Variants in LRCH1 observed in about 807,000 individuals in gnomAD.
The protein encoded by LRCH1 is leucine rich repeats and calponin homology domain containing 1.
In LRCH1, 23 loss-of-function variants were observed where a neutral mutation model predicts 94.9. The ratio of observed to expected loss-of-function variants is 0.24; its 90% CI spans 0.17 to 0.34. LRCH1 has a LOEUF of 0.34. Among genes scored for constraint, LRCH1 ranks in the 10% least tolerant of loss-of-function variants. The probability of loss-of-function intolerance (pLI) is 1.00; values close to 1 mark genes in which losing one functional copy is unlikely to be tolerated. For synonymous variants in LRCH1, 364 were observed against 354.9 expected, an observed-to-expected ratio of 1.03 and a Z score of -0.29; for missense variants, 790 against 945.9, an observed-to-expected ratio of 0.84 and a Z score of 2.16.
At chr13:46,713,882 G>A (rs989817633) in intron 15 of LRCH1, among the ~76,000 whole-genome samples, 2 of 152,222 alleles carry the variant, frequency 1.3e-5, no homozygotes, top group Non-Finnish European at 2.9e-5. Context: ...TTGAGCTGCA[G>A]ACTGTCTCCT....
At chr13:46,623,781 A>G (rs926316180) in intron 1 of LRCH1, among the ~76,000 whole-genome samples, 1 of 147,554 alleles carries the variant, frequency 6.8e-6, no homozygotes, top group Non-Finnish European at 1.5e-5. Flanking sequence ...TTACATATGT[A>G]TACATGTGCC....
rs777819720 is a variant in LRCH1 at position 46,689,148 on chromosome 13, T to C, written c.966T>C (p.Asp322=). The C allele has an allele frequency of 6.8e-6, 11 of 1,610,688 alleles. No homozygotes were observed. Among genetic ancestry groups the C allele is most frequent in the Non-Finnish European group, 9.3e-6 (11 of 1,178,202 alleles). The part of the protein sequence containing the change: ...QHVEDGKKDS[D]SGVGSDNGDK... The stretch of plus-strand genomic sequence containing the variant: ...TCTATCTCAGCAAGAAGGATTCTGA[T>C]TCGGGAGTTGGAAGTGATAATGGAG... The change falls in exon 7 of 20, where the codon GAT becomes GAC. Residue 322 remains aspartate, a synonymous_variant. Coordinates refer to ENST00000389797, the MANE Select transcript of LRCH1 (RefSeq NM_001164211.2).
chr13:46,624,479 T>A lies in LRCH1; in HGVS notation c.308-25722T>A, dbSNP rs114957115. On this transcript the variant is annotated intron_variant, in intron 1 of 19. Transcript: ENST00000389797. ...TACTCATTAAGACGGGGCTATTGCA[T>A]TCCATTTTCAGGGAATGCTCTTTCA... Among the ~76,000 whole-genome samples the A allele has an allele frequency of 3.9e-3, 587 of 152,348 alleles. 7 individuals carry two copies. Among genetic ancestry groups the A allele is most frequent in the African/African-American group, 0.013 (521 of 41,580 alleles).
At chr13:46,675,248 C>T (rs891301050) in intron 3 of LRCH1, among the ~76,000 whole-genome samples, 2 of 152,218 alleles carry the variant, frequency 1.3e-5, no homozygotes, top group Admixed American at 6.5e-5. Flanking sequence ...AACAAACACA[C>T]TGTTAGAACA....
intron 2 of LRCH1, among the ~76,000 whole-genome samples, chr13:46,661,427 A>G (rs1327583676): frequency 2.6e-5 from 4 of 152,224 alleles, no homozygotes. Flanking sequence ...GACTTGTTGA[A>G]TTAAGTTTTG....
At chr13:46,603,606 G>A (rs999639775) in intron 1 of LRCH1, among the ~76,000 whole-genome samples, 1 of 152,190 alleles carries the variant, frequency 6.6e-6, no homozygotes, top group Non-Finnish European at 1.5e-5. Context: ...AGCATTGGTA[G>A]TTTTAAACAT....
At chr13:46,691,602 A>T (rs1009554638) in intron 7 of LRCH1, among the ~76,000 whole-genome samples, 1 of 152,236 alleles carries the variant, frequency 6.6e-6, no homozygotes, top group Non-Finnish European at 1.5e-5. Flanking sequence ...CTCAGGGTTG[A>T]AGGTGAAGGG....
At chr13:46,686,157 C>T (rs1445329394) in intron 5 of LRCH1, 116 bp downstream of exon 5, 6 of 1,076,970 alleles carry the variant, frequency 5.6e-6, no homozygotes, top group African/African-American at 4.9e-5. Context: ...CACTGGCAAG[C>T]GGCAGATTAA....
At chr13:46,645,128 G>A (rs1482781783) in intron 1 of LRCH1, among the ~76,000 whole-genome samples, 2 of 152,018 alleles carry the variant, frequency 1.3e-5, no homozygotes, top group African/African-American at 4.8e-5. Flanking sequence ...AATATAATCT[G>A]TATTGTAAAT....
chr13:46,611,231 G>A (rs1353796972), intron 1 of LRCH1, among the ~76,000 whole-genome samples: 4 of 152,180 alleles, frequency 2.6e-5, no homozygotes, highest in Non-Finnish European at 4.4e-5. Flanking sequence ...AACACCATCG[G>A]TTTATGCTAG....
At chr13:46,724,271 T>C (rs1415272650) in intron 17 of LRCH1, among the ~76,000 whole-genome samples, 3 of 152,220 alleles carry the variant, frequency 2.0e-5, no homozygotes, top group Non-Finnish European at 2.9e-5. Context: ...TGCAATGGTA[T>C]GATCATAGCT....
chr13:46,684,260 T>G (rs553424591), intron 4 of LRCH1, among the ~76,000 whole-genome samples: 6 of 148,306 alleles, frequency 4.0e-5, no homozygotes, highest in Non-Finnish European at 7.5e-5. Context: ...TTTTTTTACC[T>G]TTCCTGGGCT....
intron 1 of LRCH1, among the ~76,000 whole-genome samples, chr13:46,566,418 C>T (rs1196057065): frequency 6.6e-6 from 1 of 152,140 alleles, no homozygotes; most frequent in Non-Finnish European, 1.5e-5. Flanking sequence ...CTCCCTGAGG[C>T]TACTGATATG....
At chr13:46,718,369 A>G (rs753865303) in intron 16 of LRCH1, among the ~76,000 whole-genome samples, 1 of 152,210 alleles carries the variant, frequency 6.6e-6, no homozygotes, top group Admixed American at 6.5e-5. Context: ...AGAGAAATGA[A>G]GAAACTGAGG....
At chr13:46,666,126 C>G (rs2051512262) in intron 2 of LRCH1, among the ~76,000 whole-genome samples, 1 of 152,124 alleles carries the variant, frequency 6.6e-6, no homozygotes, top group Non-Finnish European at 1.5e-5. Context: ...TGACTAAATT[C>G]TTAGCATGGT....
Position 46,695,041 on chromosome 13 carries a change from G to A in LRCH1, c.1245+24G>A, listed in dbSNP as rs371052731. 3.9e-4 allele frequency: 631 copies of A among 1,610,546 alleles called. 7 individuals carry two copies. In the South Asian group the frequency reaches 4.5e-3, roughly 12 times the overall value. On this transcript the variant is annotated intron_variant, in intron 9 of 19. Transcript: ENST00000389797. ...AGGCAAGATTTTCAGGATCAACTAC[G>A]TTTTTTTACTTATTTCCTTCTGTTT... is the stretch of plus-strand genomic sequence containing the variant.
intron 17 of LRCH1, among the ~76,000 whole-genome samples, chr13:46,728,522 A>C (rs1013635025): frequency 3.3e-5 from 5 of 152,192 alleles, no homozygotes; most frequent in African/African-American, 1.2e-4. Context: ...GACCAGAGAA[A>C]AGCATTTCTT....
chr13:46,751,173 A>T (rs1451213814), exon 19 of LRCH1: 1 of 152,128 alleles, frequency 6.6e-6, no homozygotes, highest in Non-Finnish European at 1.5e-5. Flanking sequence ...CATCCTTTGG[A>T]TGCAAATTGT....
At chr13:46,652,071 T>G (rs61411956) in intron 2 of LRCH1, among the ~76,000 whole-genome samples, 5,586 of 86,098 alleles carry the variant, frequency 0.065, 754 homozygotes, top group East Asian at 0.15. Context: ...TTTTTTTTTT[T>G]TTTTGTTTTG....
Sources: gnomAD v4.1 joint callset for allele counts (sites outside exome capture counted in the v4.1 genomes callset) on GRCh38, gnomAD v4.1.1 for gene constraint, MANE v1.5 for transcripts, NCBI Gene and HGNC (gene_info 2026-07-23, HGNC 2026-07-21) for gene names.